NRXN3: variants seen among roughly 807,000 people sequenced by gnomAD.
The protein encoded by NRXN3 is neurexin 3.
NRXN3 carries 32 observed loss-of-function variants against 137.6 expected under a neutral mutation model. That is an observed-to-expected ratio of 0.23 (90% CI 0.18 to 0.31). NRXN3 has a LOEUF of 0.31. NRXN3 is among the 10% of genes least tolerant of loss of function. The pLI, the probability that NRXN3 is intolerant of heterozygous loss-of-function variation, is 1.00. For missense variants in NRXN3, 1,574 were observed against 2,062.5 expected (o/e 0.76, Z 4.59); for synonymous variants, 798 against 784.5 (o/e 1.02, Z -0.29).
chr14:79,760,280 T>C (rs1031142419), intron 19 of NRXN3, among the ~76,000 whole-genome samples: 2 of 151,654 alleles, frequency 1.3e-5, no homozygotes, highest in Non-Finnish European at 2.9e-5. Flanking sequence ...ACATTTATCT[T>C]TAAAAATGGA....
At position 79,663,792 on chromosome 14, in the gene NRXN3, T is replaced by C; in HGVS notation, c.3459T>C (p.Ile1153=). 6.2e-7 allele frequency: 1 copy of C among 1,612,780 alleles called. No homozygotes were observed. The highest frequency in any genetic ancestry group is 8.5e-7 in the Non-Finnish European group (1 of 1,179,368). ...FLQLHIEQGK[I]GVVFNIGTVD... ...CTTTATTATAGGAACAGGGGAAAAT[T>C]GGAGTTGTCTTCAACATTGGCACAG... Residue 1153 remains isoleucine, a synonymous_variant, in exon 17 of 21, where the codon ATT becomes ATC. Coordinates refer to ENST00000335750, the MANE Select transcript of NRXN3 (RefSeq NM_001330195.2).
Position 79,473,631 on chromosome 14 carries a change from A to G in NRXN3, c.3444+6229A>G, listed in dbSNP as rs2096534100. Among the ~76,000 whole-genome samples the G allele has an allele frequency of 2.6e-5, 4 of 152,172 alleles. 1 individual carries two copies. In the South Asian group the frequency reaches 8.3e-4, roughly 32 times the overall value. On this transcript the variant is annotated intron_variant, in intron 16 of 20. Coordinates refer to ENST00000335750, the MANE Select transcript of NRXN3 (RefSeq NM_001330195.2). The stretch of plus-strand genomic sequence containing the variant: ...AATGTTGGTGTTTTTGAGACTGGTA[A>G]CGCAAATAAAAAAGGAACGAACAAG...
chr14:78,681,705 T>G (rs942659806), intron 6 of NRXN3, among the ~76,000 whole-genome samples: 1 of 152,112 alleles, frequency 6.6e-6, no homozygotes, highest in Admixed American at 6.5e-5. Context: ...TTTCAGAAAT[T>G]GTTTTTTGGA....
At chr14:79,200,662 G>T (rs1333338224) in intron 15 of NRXN3, among the ~76,000 whole-genome samples, 1 of 152,072 alleles carries the variant, frequency 6.6e-6, no homozygotes, top group Non-Finnish European at 1.5e-5. Context: ...TAGAAAAACA[G>T]GTGGTGAAAC....
intron 15 of NRXN3, among the ~76,000 whole-genome samples, chr14:79,116,279 G>A (rs754790205): frequency 3.2e-4 from 48 of 152,236 alleles, no homozygotes; most frequent in Middle Eastern, 3.4e-3. Context: ...CAGTACAGCC[G>A]GCTAATGGAT....
intron 15 of NRXN3, among the ~76,000 whole-genome samples, chr14:79,277,595 T>C (rs559234452): frequency 6.6e-6 from 1 of 152,312 alleles, no homozygotes; most frequent in Non-Finnish European, 1.5e-5. Context: ...ATACTGTATA[T>C]TTTCTCATTT....
intron 15 of NRXN3, among the ~76,000 whole-genome samples, chr14:79,094,977 A>AGTGT (rs1409965478): frequency 0.052 from 5,132 of 99,256 alleles, 116 homozygotes; most frequent in Middle Eastern, 0.09. Context: ...AGAGAGAGAG[A>AGTGT]GAGTGTGTGT....
chr14:78,769,629 A>G (rs1172038406), intron 8 of NRXN3, among the ~76,000 whole-genome samples: 1 of 152,236 alleles, frequency 6.6e-6, no homozygotes, highest in African/African-American at 2.4e-5. Flanking sequence ...GTTCACTTCT[A>G]CGAATAATAC....
At chr14:79,615,856 C>T (rs1335287537) in intron 16 of NRXN3, among the ~76,000 whole-genome samples, 4 of 152,064 alleles carry the variant, frequency 2.6e-5, no homozygotes, top group African/African-American at 9.7e-5. Flanking sequence ...GGGGACACAG[C>T]CAAATCATAT....
chr14:79,189,503 A>G lies in NRXN3; in HGVS notation c.3262+201362A>G, dbSNP rs574642214. ...GGTTACATGTGTAACTAACCTGCAC[A>G]TTGTGCACATGTACCCTAGAACTTG... On this transcript the variant is annotated intron_variant, in intron 15 of 20. Transcript: ENST00000335750. Among the ~76,000 whole-genome samples, 5 of 152,044 alleles carry G rather than the reference A, an allele frequency of 3.3e-5. No homozygotes were observed. In the East Asian group the frequency reaches 9.7e-4, roughly 30 times the overall value.
intron 19 of NRXN3, among the ~76,000 whole-genome samples, chr14:79,798,238 A>T (rs971045762): frequency 6.6e-6 from 1 of 152,214 alleles, no homozygotes; most frequent in Non-Finnish European, 1.5e-5. Flanking sequence ...TTCAAATCTC[A>T]TTAAAGGTTA....
intron 15 of NRXN3, among the ~76,000 whole-genome samples, chr14:79,031,699 C>T (rs1270342811): frequency 1.8e-5 from 2 of 112,402 alleles, no homozygotes; most frequent in Non-Finnish European, 4.1e-5. Flanking sequence ...AAATCAAACT[C>T]AGTATCAAGA....
chr14:78,905,716 A>C (rs1250371893), intron 10 of NRXN3, among the ~76,000 whole-genome samples: 2 of 152,060 alleles, frequency 1.3e-5, no homozygotes, highest in African/African-American at 4.8e-5. Flanking sequence ...ATAATGTATA[A>C]AATGATAAAA....
chr14:78,589,972 A>AC (rs1238155154), intron 4 of NRXN3, among the ~76,000 whole-genome samples: 1 of 150,570 alleles, frequency 6.6e-6, no homozygotes, highest in Non-Finnish European at 1.5e-5. Context: ...AAACAAACAA[A>AC]AAAACAAACA....
chr14:78,282,068 G>A (rs1325630883), intron 3 of NRXN3: 1 of 467,162 alleles, frequency 2.1e-6, no homozygotes, highest in African/African-American at 2.0e-5. Context: ...CCTGTCCAAG[G>A]AGTGCAAACT....
intron 1 of NRXN3, among the ~76,000 whole-genome samples, chr14:78,177,633 C>T (rs531592843): frequency 1.3e-5 from 2 of 152,206 alleles, no homozygotes; most frequent in African/African-American, 4.8e-5. Flanking sequence ...CGACATCACA[C>T]ACTTTCTCTT....
intron 3 of NRXN3, among the ~76,000 whole-genome samples, chr14:78,289,883 C>T (rs2075622066): frequency 6.6e-6 from 1 of 152,158 alleles, no homozygotes; most frequent in Non-Finnish European, 1.5e-5. Context: ...CACTGCACTC[C>T]AGCCTGGCAA....
intron 4 of NRXN3, among the ~76,000 whole-genome samples, chr14:78,529,483 C>G (rs1162674540): frequency 6.6e-6 from 1 of 152,118 alleles, no homozygotes; most frequent in Admixed American, 6.6e-5. Flanking sequence ...CTCGGACACC[C>G]TTTTGATTTC....
intron 19 of NRXN3, among the ~76,000 whole-genome samples, chr14:79,752,455 C>A (rs945591420): frequency 4.6e-5 from 7 of 152,140 alleles, no homozygotes; most frequent in African/African-American, 1.7e-4. Flanking sequence ...CTGAGAAAGA[C>A]AAGCAATGGG....
Sources: allele counts gnomAD v4.1 joint callset (sites outside exome capture counted in the v4.1 genomes callset), GRCh38; gene constraint gnomAD v4.1.1; transcripts MANE v1.5; gene names NCBI Gene and HGNC (gene_info 2026-07-23, HGNC 2026-07-21).